Variants in ACYP2 observed in about 807,000 individuals in gnomAD.
ACYP2 encodes acylphosphatase-2.
A neutral mutation model predicts 11.2 loss-of-function variants in ACYP2; 12 were observed. The observed-to-expected ratio is 1.08, with a 90% confidence interval of 0.69 to 1.74. The LOEUF is 1.74. Ranked by LOEUF, ACYP2 falls within the 40% of genes most tolerant of loss-of-function variation. The probability of loss-of-function intolerance (pLI) is 0.00; values close to 1 mark genes in which losing one functional copy is unlikely to be tolerated. For missense variants in ACYP2, 134 were observed against 101.9 expected (o/e 1.31, Z -1.35); for synonymous variants, 43 against 32.2 (o/e 1.33, Z -1.13).
At chr2:54,099,994 G>A (rs76484126) in intron 4 of ACYP2, among the ~76,000 whole-genome samples, 4,070 of 152,172 alleles carry the variant, frequency 0.027, 164 homozygotes, top group African/African-American at 0.089. Flanking sequence ...ACAGGTGTGA[G>A]GCGGTATCTC....
rs557899888 is a variant in ACYP2 at position 54,153,725 on chromosome 2, G to T, written c.404+14977G>T. Among the ~76,000 whole-genome samples the T allele has an allele frequency of 2.1e-3, 317 of 151,050 alleles. 3 individuals are homozygous for T. Among genetic ancestry groups the T allele is most frequent in the African/African-American group, 7.2e-3 (298 of 41,112 alleles). On this transcript the variant is annotated intron_variant, in intron 6 of 6. Transcript: ENST00000607452. ...CACCATTCTCCTGCCTCAGCCTCTCGAGTGCCTGGGACTACAGGTGCCTGC... is the reference window on the plus strand; with the variant it reads ...CACCATTCTCCTGCCTCAGCCTCTCTAGTGCCTGGGACTACAGGTGCCTGC...
chr2:54,166,688 G>C (rs570250152), intron 6 of ACYP2, among the ~76,000 whole-genome samples: 1 of 152,270 alleles, frequency 6.6e-6, no homozygotes, highest in African/African-American at 2.4e-5. Context: ...AAGATGGTTA[G>C]GCTACCTTGC....
chr2:54,264,085 G>A (rs901541712), intron 6 of ACYP2, among the ~76,000 whole-genome samples: 1 of 152,124 alleles, frequency 6.6e-6, no homozygotes, highest in South Asian at 2.1e-4. Flanking sequence ...GGACCCTCGC[G>A]ATGAGTGTTC....
At chr2:54,029,230 G>A (rs560681812) in intron 2 of ACYP2, among the ~76,000 whole-genome samples, 1 of 151,978 alleles carries the variant, frequency 6.6e-6, no homozygotes, top group Non-Finnish European at 1.5e-5. Context: ...AGGGTGAAGA[G>A]GAAGTTTTCC....
chr2:54,115,709 C>G lies in ACYP2; in HGVS notation c.278-19744C>G, dbSNP rs147678096. 7.3e-5 allele frequency: 118 copies of G among 1,612,870 alleles called. No individual in the cohort carries two copies. In the African/African-American group the frequency reaches 1.4e-3, roughly 19 times the overall value. ...GGGCTCGCCGCCGCCATGTCTACCG[C>G]CCAGTCACTCAAATCCGTGGACTAC... On this transcript the variant is annotated intron_variant, in intron 4 of 6. Coordinates refer to ENST00000607452, the MANE Select transcript of ACYP2 (RefSeq NM_001320586.2).
intron 2 of ACYP2, among the ~76,000 whole-genome samples, chr2:54,006,302 C>T (rs575568260): frequency 9.9e-5 from 15 of 152,202 alleles, no homozygotes; most frequent in African/African-American, 3.6e-4. Context: ...GTCCTGCTAC[C>T]ACGCCCGGCT....
Position 54,115,789 on chromosome 2 carries a change from A to G in ACYP2, c.278-19664A>G, listed in dbSNP as rs141890008. The G allele has an allele frequency of 9.6e-6, 15 of 1,559,952 alleles. No individual in the cohort carries two copies. In the East Asian group the frequency reaches 3.7e-4, roughly 38 times the overall value. Reference sequence around the variant, plus strand: ...GCCCCTCTACGGTGGGAGATCAAAAAGGTTATGGGAGGAAGGGGAGAAAGC... The same window carrying G: ...GCCCCTCTACGGTGGGAGATCAAAAGGGTTATGGGAGGAAGGGGAGAAAGC... On this transcript the variant is annotated intron_variant, in intron 4 of 6. Transcript: ENST00000607452.
At chr2:54,228,444 A>G (rs1411672942) in intron 6 of ACYP2, among the ~76,000 whole-genome samples, 1 of 152,236 alleles carries the variant, frequency 6.6e-6, no homozygotes, top group African/African-American at 2.4e-5. Flanking sequence ...AAATCAAGGT[A>G]TACAGTAGTT....
intron 6 of ACYP2, among the ~76,000 whole-genome samples, chr2:54,212,486 G>A (rs966604301): frequency 5.3e-5 from 8 of 152,300 alleles, no homozygotes; most frequent in African/African-American, 1.9e-4. Context: ...GAAAAACCCA[G>A]TTATGATCAT....
intron 2 of ACYP2, among the ~76,000 whole-genome samples, chr2:54,017,110 C>T (rs1054190750): frequency 2.0e-5 from 3 of 152,048 alleles, no homozygotes; most frequent in East Asian, 1.9e-4. Context: ...ACTGTCCTCA[C>T]GTAGCAGAGG....
intron 4 of ACYP2, among the ~76,000 whole-genome samples, chr2:54,075,904 AAT>A (rs770834423): frequency 1.2e-3 from 182 of 152,212 alleles, no homozygotes; most frequent in Non-Finnish European, 2.5e-3. Context: ...AAGGTTATAA[AAT>A]ATGTCACTCA....
intron 6 of ACYP2, among the ~76,000 whole-genome samples, chr2:54,249,651 G>GA (rs1687122285): frequency 6.6e-6 from 1 of 151,932 alleles, no homozygotes; most frequent in Admixed American, 6.6e-5. Flanking sequence ...TTACTAAAAA[G>GA]ACAAAAATGG....
intron 2 of ACYP2, among the ~76,000 whole-genome samples, chr2:54,024,898 A>G (rs1046203010): frequency 6.6e-6 from 1 of 152,224 alleles, no homozygotes; most frequent in African/African-American, 2.4e-5. Flanking sequence ...GCTTCAGAAT[A>G]CAAAAATCAG....
chr2:54,132,202 G>C (rs549175399), intron 4 of ACYP2, among the ~76,000 whole-genome samples: 5 of 152,122 alleles, frequency 3.3e-5, no homozygotes, highest in Non-Finnish European at 7.4e-5. Flanking sequence ...GCACAGTGCA[G>C]CTTGTCTTCT....
intron 4 of ACYP2, among the ~76,000 whole-genome samples, chr2:54,126,631 A>G (rs1432866380): frequency 2.0e-5 from 3 of 146,752 alleles, no homozygotes; most frequent in African/African-American, 7.4e-5. Flanking sequence ...AAAACAAATT[A>G]GAACTCTAAA....
At chr2:54,008,792 G>C (rs1673206630) in intron 2 of ACYP2, among the ~76,000 whole-genome samples, 1 of 152,148 alleles carries the variant, frequency 6.6e-6, no homozygotes, top group South Asian at 2.1e-4. Context: ...TACAGGAGAA[G>C]CATTCTCTGC....
chr2:54,260,862 G>A (rs1687747218), intron 6 of ACYP2, among the ~76,000 whole-genome samples: 2 of 152,024 alleles, frequency 1.3e-5, no homozygotes, highest in Non-Finnish European at 2.9e-5. Flanking sequence ...CAAGAGAGAA[G>A]TGAGAATGAG....
chr2:54,290,628 CCACAATTTGG>C (rs1343944315), intron 6 of ACYP2, among the ~76,000 whole-genome samples: 3 of 151,298 alleles, frequency 2.0e-5, no homozygotes, highest in African/African-American at 7.3e-5. Flanking sequence ...TATGAGTGGG[CCACAATTTGG>C]CACTAGATTA....
intron 6 of ACYP2, among the ~76,000 whole-genome samples, chr2:54,163,467 C>CTCAT: frequency 6.6e-6 from 1 of 152,286 alleles, no homozygotes; most frequent in East Asian, 1.9e-4. Flanking sequence ...AAAACTGAGA[C>CTCAT]TCATTCATAG....
Sources: allele counts gnomAD v4.1 joint callset (sites outside exome capture counted in the v4.1 genomes callset), GRCh38; gene constraint gnomAD v4.1.1; transcripts MANE v1.5; gene names NCBI Gene and HGNC (gene_info 2026-07-23, HGNC 2026-07-21).